The following CACNA1A variants were observed in gnomAD, a reference collection of about 807,000 sequenced individuals.
CACNA1A encodes the protein calcium voltage-gated channel subunit alpha1 A.
In CACNA1A, 57 loss-of-function variants were observed where a neutral mutation model predicts 262.4. The ratio of observed to expected loss-of-function variants is 0.22; its 90% CI spans 0.18 to 0.27. The LOEUF (loss-of-function observed/expected upper bound fraction) is 0.27, where lower values mean the gene tolerates loss of function less well. CACNA1A is among the 10% of genes least tolerant of loss of function. The probability of loss-of-function intolerance (pLI) is 1.00; values close to 1 mark genes in which losing one functional copy is unlikely to be tolerated. For synonymous variants in CACNA1A, 1,431 were observed against 1,419.3 expected (o/e 1.01, Z -0.18); for missense variants, 2,526 against 3,562.8 (o/e 0.71, Z 7.41).
chr19:13,280,345 A>T (rs1023726977), intron 22 of CACNA1A, among the ~76,000 whole-genome samples: 24 of 143,738 alleles, frequency 1.7e-4, no homozygotes, highest in Non-Finnish European at 2.3e-4. Flanking sequence ...TCGGTTAATT[A>T]AAAAAAAAAA....
intron 6 of CACNA1A, among the ~76,000 whole-genome samples, chr19:13,347,101 T>C (rs1479927902): frequency 6.7e-6 from 1 of 148,420 alleles, no homozygotes; most frequent in African/African-American, 2.5e-5. Context: ...TGCTCTGTCA[T>C]CCGGGCTGGA....
intron 10 of CACNA1A, among the ~76,000 whole-genome samples, chr19:13,328,160 C>T (rs12461413): frequency 6.6e-6 from 1 of 152,136 alleles, no homozygotes; most frequent in Admixed American, 6.5e-5. Flanking sequence ...CTGCACTGGC[C>T]TCCCAAAGCA....
intron 1 of CACNA1A, among the ~76,000 whole-genome samples, chr19:13,488,209 C>T (rs1980267704): frequency 6.6e-6 from 1 of 151,948 alleles, no homozygotes; most frequent in Non-Finnish European, 1.5e-5. Flanking sequence ...CCCAAGGTCA[C>T]ACAGCTCCAA....
At chr19:13,208,657 G>A in intron 46 of CACNA1A, 99 bp downstream of exon 46, 1 of 1,387,602 alleles carries the variant, frequency 7.2e-7, no homozygotes, top group Non-Finnish European at 9.5e-7. Context: ...CCGGGATCCG[G>A]GGACCTTTGC....
chr19:13,299,129 G>T lies in CACNA1A; in HGVS notation c.2504C>A (p.Thr835Asn). Residue 835 changes from threonine to asparagine, a missense_variant, in exon 19 of 47, where the codon ACC (threonine) becomes AAC (asparagine). Around this residue, in one of 17 missense-constraint regions of CACNA1A, gnomAD observed 765 missense variants for 748.6 expected, o/e 1.02. Coordinates refer to ENST00000360228, the MANE Select transcript of CACNA1A (RefSeq NM_001127222.2). Reference sequence around the variant, plus strand: ...GGGCTCGGCCGCCCGGCTCTTGTTGGTGTTGTTGTTGCGGTTCTCCTGCGG... The same window carrying T: ...GGGCTCGGCCGCCCGGCTCTTGTTGTTGTTGTTGTTGCGGTTCTCCTGCGG... ...VDPQENRNNN[T>N]NKSRAAEPTV... The T allele has an allele frequency of 6.2e-7, 1 of 1,613,168 alleles. No homozygotes were observed.
At chr19:13,235,572 T>C in intron 32 of CACNA1A, 42 bp downstream of exon 32, 1 of 1,362,202 alleles carries the variant, frequency 7.3e-7, no homozygotes, top group Non-Finnish European at 1.1e-6. Flanking sequence ...GAGGGTCACC[T>C]GTCTTCTCAG....
intron 5 of CACNA1A, 74 bp downstream of exon 5, chr19:13,365,243 C>A: frequency 7.4e-7 from 1 of 1,360,408 alleles, no homozygotes; most frequent in Non-Finnish European, 1.0e-6. Context: ...AGAAGCACAC[C>A]CCTGCCTAAT....
intron 1 of CACNA1A, among the ~76,000 whole-genome samples, chr19:13,497,324 C>A (rs1981648993): frequency 6.7e-6 from 1 of 149,664 alleles, no homozygotes; most frequent in Non-Finnish European, 1.5e-5. Context: ...TGATTCCTTA[C>A]AGCAGCATTG....
At position 13,299,206 on chromosome 19, in the gene CACNA1A, C is replaced by A. The variant is rs1600273948; in HGVS notation, c.2427G>T (p.Arg809=). The A allele has an allele frequency of 1.7e-5, 28 of 1,612,110 alleles. No individual in the cohort carries two copies. The highest frequency in any genetic ancestry group is 2.4e-5 in the Non-Finnish European group (28 of 1,179,880). The change falls in exon 19 of 47, where the codon CGG becomes CGT. Residue 809 remains arginine (R), a synonymous_variant. Transcript: ENST00000360228. ...GCGTCTTCATGTCTGGCCGCAGGTG[C>A]CGCGTGTAGGCAGCCTTCCAGCGCT... ...PDERWKAAYT[R]HLRPDMKTHL...
At chr19:13,393,016 C>T (rs192717357) in intron 3 of CACNA1A, among the ~76,000 whole-genome samples, 23 of 152,104 alleles carry the variant, frequency 1.5e-4, no homozygotes, top group Non-Finnish European at 3.1e-4. Flanking sequence ...TGATTTGCCC[C>T]CCTCAGCCTC....
At chr19:13,388,257 T>C (rs2059651270) in intron 3 of CACNA1A, among the ~76,000 whole-genome samples, 2 of 141,018 alleles carry the variant, frequency 1.4e-5, no homozygotes, top group South Asian at 4.9e-4. Context: ...TTTTTTTTTT[T>C]TTTTTTTTTT....
At chr19:13,426,382 T>C (rs2060403768) in intron 3 of CACNA1A, among the ~76,000 whole-genome samples, 1 of 152,116 alleles carries the variant, frequency 6.6e-6, no homozygotes, top group Non-Finnish European at 1.5e-5. Flanking sequence ...CGTTTGGCAA[T>C]GTCTGAGCCA....
intron 6 of CACNA1A, among the ~76,000 whole-genome samples, chr19:13,354,241 C>G (rs1466014712): frequency 1.3e-5 from 2 of 152,224 alleles, no homozygotes; most frequent in Non-Finnish European, 2.9e-5. Context: ...GAGCGACTGT[C>G]TGGACTCTCC....
intron 31 of CACNA1A, among the ~76,000 whole-genome samples, chr19:13,243,064 C>T (rs1163449266): frequency 6.6e-6 from 1 of 152,222 alleles, no homozygotes; most frequent in Non-Finnish European, 1.5e-5. Flanking sequence ...GCTGGACCAT[C>T]CTTCTAACCT....
chr19:13,492,732 A>C (rs771768224), intron 1 of CACNA1A, among the ~76,000 whole-genome samples: 56 of 152,290 alleles, frequency 3.7e-4, no homozygotes, highest in Non-Finnish European at 7.1e-4. Flanking sequence ...TTGGAAAAAA[A>C]CAAAATCCTC....
chr19:13,485,900 A>G (rs1979917851), intron 1 of CACNA1A, among the ~76,000 whole-genome samples: 1 of 152,236 alleles, frequency 6.6e-6, no homozygotes, highest in South Asian at 2.1e-4. Context: ...AGCGAGCAGC[A>G]GAATCCATAA....
chr19:13,346,149 G>A (rs1389805926), intron 6 of CACNA1A, among the ~76,000 whole-genome samples: 6 of 152,096 alleles, frequency 3.9e-5, no homozygotes, highest in Non-Finnish European at 7.4e-5. Context: ...TGATCCACCC[G>A]CCTTGGCCTC....
Position 13,207,584 on chromosome 19 carries a change from T to A in CACNA1A, c.7250A>T (p.Glu2417Val), listed in dbSNP as rs2054613411. Reference sequence around the variant, plus strand: ...GCCCCCGCTGCCCGGGCCATCGGCCTCGTCGTAGTCGGAGCCCCGGTAGTA... The same window carrying A: ...GCCCCCGCTGCCCGGGCCATCGGCCACGTCGTAGTCGGAGCCCCGGTAGTA... Reference protein sequence around the residue: ...HGYYRGSDYDEADGPGSGGGE... With the variant: ...HGYYRGSDYDVADGPGSGGGE... The change falls in exon 47 of 47, where the codon GAG becomes GTG. Residue 2417 changes from glutamate to valine, a missense_variant. By Grantham distance (121) the Glu-to-Val change is moderately radical. Coordinates refer to ENST00000360228, the MANE Select transcript of CACNA1A (RefSeq NM_001127222.2). The surrounding 1 kb of genome is among the most constrained non-coding windows in gnomAD (Gnocchi z 5.7). 1 of 1,479,562 alleles carries A rather than the reference T, an allele frequency of 6.8e-7. No individual in the cohort carries two copies. The highest frequency in any genetic ancestry group is 9.0e-7 in the Non-Finnish European group (1 of 1,115,288). 91.7% of individuals were successfully genotyped at this position (1,479,562 alleles called of 1,614,324 possible). A position where few individuals can be genotyped will look rare whatever the true frequency, so the allele number is the denominator to read the frequency against.
intron 3 of CACNA1A, among the ~76,000 whole-genome samples, chr19:13,381,529 T>C (rs1212508968): frequency 1.3e-5 from 2 of 152,144 alleles, no homozygotes; most frequent in African/African-American, 4.8e-5. Flanking sequence ...ACAGCACAAG[T>C]GCAGAGAAAT....
Sources: allele counts gnomAD v4.1 joint callset (sites outside exome capture counted in the v4.1 genomes callset), GRCh38; gene constraint gnomAD v4.1.1; regional missense constraint gnomAD v4.1.1; non-coding constraint Gnocchi (gnomAD v3.1); transcripts MANE v1.5; gene names NCBI Gene and HGNC (gene_info 2026-07-23, HGNC 2026-07-21).